ZEB1: variants seen among roughly 807,000 people sequenced by gnomAD.
ZEB1 encodes zinc finger E-box-binding homeobox 1.
In ZEB1, 21 loss-of-function variants were observed where a neutral mutation model predicts 84.9. The ratio of observed to expected loss-of-function variants is 0.25; its 90% CI spans 0.18 to 0.36. ZEB1 has a LOEUF of 0.36. ZEB1 is among the 10% of genes least tolerant of loss of function. ZEB1 has a pLI of 1.00. For synonymous variants in ZEB1, 420 were observed against 471.1 expected, an observed-to-expected ratio of 0.89 and a Z score of 1.41; for missense variants, 1,104 against 1,330.2, an observed-to-expected ratio of 0.83 and a Z score of 2.65.
At chr10:31,321,189 A>AT in intron 1 of ZEB1, 1 of 1,088,424 alleles carries the variant, frequency 9.2e-7, no homozygotes, top group East Asian at 6.7e-5. Context: ...TTTCCTGGCA[A>AT]TTTTAGATTT....
chr10:31,319,347 G>C, intron 1 of ZEB1, 55 bp downstream of exon 1: 1 of 1,566,630 alleles, frequency 6.4e-7, no homozygotes, highest in East Asian at 2.3e-5. Flanking sequence ...TGGGCAGCCG[G>C]GGCGCCCCCG....
At chr10:31,433,989 C>T (rs922681467) in intron 1 of ZEB1, among the ~76,000 whole-genome samples, 5 of 152,132 alleles carry the variant, frequency 3.3e-5, no homozygotes, top group Non-Finnish European at 5.9e-5. Context: ...AAGAAGACTC[C>T]ATGATAAAGA....
At position 31,459,274 on chromosome 10, in the gene ZEB1, A is replaced by C. The variant is rs542300804; in HGVS notation, c.59-1763A>C. Among the ~76,000 whole-genome samples, 3 of 152,274 alleles carry C rather than the reference A, an allele frequency of 2.0e-5. No homozygotes were observed. In the East Asian group the frequency reaches 5.8e-4, roughly 29 times the overall value. ...GGCATAATATAAGTGGCAAAGCAGT[A>C]TGATGTGATCATGTGTATTTTGAAT... is the stretch of plus-strand genomic sequence containing the variant. On this transcript the variant is annotated intron_variant, in intron 1 of 8. Transcript: ENST00000424869.
chr10:31,362,041 G>A (rs190806932), intron 1 of ZEB1, among the ~76,000 whole-genome samples: 152 of 150,444 alleles, frequency 1.0e-3, no homozygotes, highest in African/African-American at 3.4e-3. Context: ...CAGACGGGGC[G>A]GCGGCGGGGC....
chr10:31,335,907 A>T (rs1178493342), intron 1 of ZEB1, among the ~76,000 whole-genome samples: 1 of 152,232 alleles, frequency 6.6e-6, no homozygotes. Flanking sequence ...CAGAATTATT[A>T]TACAAATTCA....
At chr10:31,404,097 A>G (rs1490349902) in intron 1 of ZEB1, among the ~76,000 whole-genome samples, 3 of 152,124 alleles carry the variant, frequency 2.0e-5, no homozygotes, top group Admixed American at 6.6e-5. Flanking sequence ...AATTTAAAAA[A>G]TAGTAAAACA....
chr10:31,367,396 A>C (rs535819426), intron 1 of ZEB1, among the ~76,000 whole-genome samples: 1 of 152,264 alleles, frequency 6.6e-6, no homozygotes, highest in South Asian at 2.1e-4. Context: ...GATGCTTATG[A>C]AGGTGGTGGT....
chr10:31,448,667 C>T (rs2060116166), intron 1 of ZEB1, among the ~76,000 whole-genome samples: 1 of 152,140 alleles, frequency 6.6e-6, no homozygotes, highest in Admixed American at 6.5e-5. Context: ...TTGGAATACC[C>T]TGCCGTGTGA....
Position 31,527,060 on chromosome 10 carries a change from A to C in ZEB1, c.3174A>C (p.Glu1058Asp), listed in dbSNP as rs146561222. Reference sequence around the variant, plus strand: ...AATTGCAGGAAGAAAAAGAATGTGAAAAACCACAAGGGGATGAGGAAGAGG... The same window carrying C: ...AATTGCAGGAAGAAAAAGAATGTGACAAACCACAAGGGGATGAGGAAGAGG... ...MEELQEEKEC[E>D]KPQGDEEEEE... Residue 1058 changes from glutamate (E) to aspartate (D), a missense_variant, in exon 9 of 9, where the codon GAA (glutamate) becomes GAC (aspartate). By Grantham distance (45) the Glu-to-Asp change is conservative (BLOSUM62 2). This residue lies in a region of ZEB1 where 173 missense variants were observed against 167.0 expected (regional missense o/e 1.04). Coordinates refer to ENST00000424869, the MANE Select transcript of ZEB1 (RefSeq NM_001174096.2). 184 of 1,585,916 alleles carry C rather than the reference A, an allele frequency of 1.2e-4. No homozygotes were observed. Among genetic ancestry groups the C allele is most frequent in the Non-Finnish European group, 1.5e-4 (176 of 1,164,474 alleles).
chr10:31,411,488 C>T (rs1327092276), intron 1 of ZEB1, among the ~76,000 whole-genome samples: 5 of 151,786 alleles, frequency 3.3e-5, no homozygotes, highest in East Asian at 1.9e-4. Context: ...AAAAATTAGC[C>T]GGGCGCGGTG....
At chr10:31,346,714 G>A (rs1047964532) in intron 1 of ZEB1, among the ~76,000 whole-genome samples, 6 of 151,526 alleles carry the variant, frequency 4.0e-5, no homozygotes, top group Non-Finnish European at 7.4e-5. Context: ...CCGTTTTTTC[G>A]CTGCCTTTAG....
At chr10:31,488,500 A>C (rs2066041977) in intron 2 of ZEB1, among the ~76,000 whole-genome samples, 1 of 148,466 alleles carries the variant, frequency 6.7e-6, no homozygotes, top group Admixed American at 6.7e-5. Context: ...TTTACAAAGA[A>C]CCAGCTTTTT....
At chr10:31,415,112 C>G (rs2054981501) in intron 1 of ZEB1, among the ~76,000 whole-genome samples, 1 of 152,154 alleles carries the variant, frequency 6.6e-6, no homozygotes, top group Non-Finnish European at 1.5e-5. Flanking sequence ...AAAGAACTTT[C>G]ATCTGCTAGG....
intron 1 of ZEB1, among the ~76,000 whole-genome samples, chr10:31,332,622 C>T (rs560406072): frequency 1.3e-5 from 2 of 152,010 alleles, no homozygotes; most frequent in African/African-American, 4.8e-5. Flanking sequence ...TAATTCAGGC[C>T]TGGTATATGT....
chr10:31,391,452 A>G (rs1287254545), intron 1 of ZEB1, among the ~76,000 whole-genome samples: 1 of 152,106 alleles, frequency 6.6e-6, no homozygotes, highest in Admixed American at 6.6e-5. Context: ...TGAGGGAGAC[A>G]ATTTACTGTC....
chr10:31,450,910 CTGTG>C (rs112499722), intron 1 of ZEB1, among the ~76,000 whole-genome samples: 4 of 146,542 alleles, frequency 2.7e-5, no homozygotes, highest in Admixed American at 2.0e-4. Flanking sequence ...GCATGTGTGC[CTGTG>C]TGTGTGTGTG....
At chr10:31,388,066 T>G (rs1355342455) in intron 1 of ZEB1, among the ~76,000 whole-genome samples, 2 of 152,142 alleles carry the variant, frequency 1.3e-5, no homozygotes, top group Non-Finnish European at 2.9e-5. Flanking sequence ...ATGACCAGTC[T>G]TAAATTCAAA....
At chr10:31,429,264 A>G (rs1328956110) in intron 1 of ZEB1, among the ~76,000 whole-genome samples, 1 of 152,174 alleles carries the variant, frequency 6.6e-6, no homozygotes, top group Non-Finnish European at 1.5e-5. Flanking sequence ...ATGTGGTGGT[A>G]ACAAATTCAG....
At chr10:31,325,760 G>A (rs1484993240) in intron 1 of ZEB1, among the ~76,000 whole-genome samples, 1 of 151,456 alleles carries the variant, frequency 6.6e-6, no homozygotes, top group African/African-American at 2.4e-5. Flanking sequence ...AAAGTCCTCT[G>A]TTTTCTCTTT....
Sources: allele counts gnomAD v4.1 joint callset (sites outside exome capture counted in the v4.1 genomes callset), GRCh38; gene constraint gnomAD v4.1.1; regional missense constraint gnomAD v4.1.1; transcripts MANE v1.5; gene names NCBI Gene and HGNC (gene_info 2026-07-23, HGNC 2026-07-21).